The following SHROOM2 variants were observed in gnomAD, a reference collection of about 807,000 sequenced individuals.
SHROOM2 encodes the protein protein Shroom2.
A neutral mutation model predicts 75.9 loss-of-function variants in SHROOM2; 33 were observed. The observed-to-expected ratio is 0.43, with a 90% CI of 0.33 to 0.58. The LOEUF is 0.58. SHROOM2 is among the 20% of genes least tolerant of loss of function. The pLI, the probability that SHROOM2 is intolerant of heterozygous loss-of-function variation, is 0.04. For synonymous variants in SHROOM2, 655 were observed against 663.6 expected (o/e 0.99, Z 0.20); for missense variants, 1,434 against 1,461.2 (o/e 0.98, Z 0.30).
At chrX:9,790,420 A>G (rs2083641382) in intron 1 of SHROOM2, among the ~76,000 whole-genome samples, 1 of 111,907 alleles carries the variant, frequency 8.9e-6, no homozygotes, top group Non-Finnish European at 1.9e-5. Flanking sequence ...GAGGGACCTG[A>G]TGAATTCAGC....
chrX:9,845,297 A>T (rs1021556681), intron 1 of SHROOM2, among the ~76,000 whole-genome samples: 1 of 111,900 alleles, frequency 8.9e-6, no homozygotes, highest in African/African-American at 3.2e-5. Context: ...GCCCATGTTT[A>T]TGGGGCACTG....
At chrX:9,928,157 C>T (rs769153095) in intron 5 of SHROOM2, among the ~76,000 whole-genome samples, 5 of 112,058 alleles carry the variant, frequency 4.5e-5, no homozygotes, top group Non-Finnish European at 7.5e-5. Context: ...CCTTCAGTGG[C>T]GGCCAGCCCA....
intron 1 of SHROOM2, among the ~76,000 whole-genome samples, chrX:9,799,656 C>T (rs2083713689): frequency 9.1e-6 from 1 of 110,374 alleles, no homozygotes; most frequent in Non-Finnish European, 1.9e-5. Context: ...TTGCCATCTA[C>T]TAGAAGGTTG....
intron 1 of SHROOM2, among the ~76,000 whole-genome samples, chrX:9,787,992 C>CTTTTTTTTTTTTTTTTTTTTT (rs58004470): frequency 7.1e-5 from 6 of 84,219 alleles, no homozygotes; most frequent in African/African-American, 2.5e-4. Context: ...TTTCTTTCTT[C>CTTTTTTTTTTTTTTTTTTTTT]TTTTTTTTTT....
chrX:9,880,868 C>T (rs770465474), intron 2 of SHROOM2, among the ~76,000 whole-genome samples: 4 of 111,969 alleles, frequency 3.6e-5, no homozygotes, highest in Non-Finnish European at 7.5e-5. Context: ...CTGCAAGATG[C>T]GTTCCTACGT....
intron 5 of SHROOM2, among the ~76,000 whole-genome samples, chrX:9,931,069 A>G (rs761131888): frequency 5.4e-5 from 6 of 111,206 alleles, no homozygotes; most frequent in African/African-American, 2.0e-4. Flanking sequence ...TAACACTTCA[A>G]GCTAGGAGTT....
intron 5 of SHROOM2, among the ~76,000 whole-genome samples, chrX:9,919,598 G>A (rs2084524010): frequency 1.8e-5 from 2 of 109,787 alleles, no homozygotes; most frequent in Admixed American, 9.9e-5. Flanking sequence ...CCAAACTGCT[G>A]GGATTACAGG....
At chrX:9,819,270 G>T in intron 1 of SHROOM2, 1 of 690,953 alleles carries the variant, frequency 1.4e-6, no homozygotes, top group Non-Finnish European at 2.2e-6. Context: ...GGCCTCCTGA[G>T]ATCCATTCAC....
chrX:9,895,492 T>C lies in SHROOM2; in HGVS notation c.1584T>C (p.Asp528=), dbSNP rs2084322468. 8.3e-7 allele frequency: 1 copy of C among 1,206,896 alleles called. No individual in the cohort carries two copies. Among genetic ancestry groups the C allele is most frequent in the Non-Finnish European group, 1.1e-6 (1 of 893,617 alleles). Residue 528 remains aspartate, a synonymous_variant, in exon 4 of 10, where the codon GAT becomes GAC. Transcript: ENST00000380913. ...HHLPQPEGPP[D]ARETGRCYPL... ...TACCTCAGCCTGAGGGTCCTCCGGA[T>C]GCCCGCGAGACAGGACGGTGTTACC...
Position 9,898,416 on chromosome X carries a change from C to T in SHROOM2, c.2891+126C>T, listed in dbSNP as rs749457550. ...TGCCAAACCCAAAGCGGCTGAAATC[C>T]GGCGTGATTTCTAGCATCCCTGACG... is the stretch of plus-strand genomic sequence containing the variant. On this transcript the variant is annotated intron_variant, in intron 5 of 9. Coordinates refer to ENST00000380913, the MANE Select transcript of SHROOM2 (RefSeq NM_001649.4). 67 of 518,469 alleles carry T rather than the reference C, an allele frequency of 1.3e-4. No homozygotes were observed. The African/African-American group carries it at 1.3e-3, about 10-fold the overall frequency. 42.7% of individuals were successfully genotyped at this position (518,469 alleles called of 1,213,427 possible).
At chrX:9,792,124 T>C (rs781639401) in intron 1 of SHROOM2, among the ~76,000 whole-genome samples, 2 of 22,084 alleles carry the variant, frequency 9.1e-5, no homozygotes, top group Non-Finnish European at 2.2e-4. Flanking sequence ...TAGAATAGAA[T>C]AGAATAGAAT....
intron 2 of SHROOM2, among the ~76,000 whole-genome samples, chrX:9,885,762 C>T (rs1228123751): frequency 9.1e-6 from 1 of 110,232 alleles, no homozygotes; most frequent in African/African-American, 3.3e-5. Context: ...TGAGACCAGC[C>T]TGGGCAACAT....
chrX:9,873,734 C>G lies in SHROOM2; in HGVS notation c.248C>G (p.Ser83Ter). 8.3e-7 allele frequency: 1 copy of G among 1,211,490 alleles called. No homozygotes were observed. The highest frequency in any genetic ancestry group is 1.1e-6 in the Non-Finnish European group (1 of 895,316). Reference sequence around the variant, plus strand: ...GTCGGCATCAATGACATTGGTCTCTCAGGGTTTAGACAGGAAGCGATTTGC... The same window carrying G: ...GTCGGCATCAATGACATTGGTCTCTGAGGGTTTAGACAGGAAGCGATTTGC... ...EIVGINDIGL[S>*]GFRQEAICLV... Residue 83 changes from serine (S) to a stop codon, truncating the protein, a stop_gained, in exon 2 of 10, where the codon TCA becomes TGA. Transcript: ENST00000380913. LOFTEE classifies it high-confidence loss of function.
At chrX:9,856,477 T>C (rs987942613) in intron 1 of SHROOM2, among the ~76,000 whole-genome samples, 1 of 112,146 alleles carries the variant, frequency 8.9e-6, no homozygotes, top group Non-Finnish European at 1.9e-5. Flanking sequence ...GTGAACAAAG[T>C]TTTGCTGTTT....
Position 9,940,166 on chromosome X carries a change from A to G in SHROOM2, c.4311+800A>G, listed in dbSNP as rs769233021. ...GTCTTGGGGCTTTTACGGGCCCTCC[A>G]TCTGGCACACGGTACCATTCGCTTC... On this transcript the variant is annotated intron_variant, in intron 8 of 9. Transcript: ENST00000380913. 1.3e-4 allele frequency among the ~76,000 whole-genome samples: 15 copies of G among 111,773 alleles called. No individual in the cohort carries two copies. In the South Asian group the frequency reaches 4.1e-3, roughly 31 times the overall value.
In SHROOM2 at chrX:9,815,434, ATGTGTGTGTGTGTG is replaced by A. The variant is rs56223508; in HGVS notation, c.165+28758_165+28771del. ...AACTAATAGGATAGATATACATATT[ATGTGTGTGTGTGTG>A]TGTGTGTGTGTGTGTGTGTGTGTGT... On this transcript the variant is annotated intron_variant, in intron 1 of 9. Transcript: ENST00000380913. Among the ~76,000 whole-genome samples the A allele has an allele frequency of 4.4e-3, 388 of 88,678 alleles. 1 individual carries two copies. Among genetic ancestry groups the A allele is most frequent in the Non-Finnish European group, 5.1e-3 (231 of 45,623 alleles). The allele number at this position is 88,678 out of a possible 115,157, so 77.0% of individuals were successfully genotyped here.
At chrX:9,793,486 C>T (rs1017214976) in intron 1 of SHROOM2, among the ~76,000 whole-genome samples, 3 of 109,716 alleles carry the variant, frequency 2.7e-5, no homozygotes, top group Non-Finnish European at 3.8e-5. Flanking sequence ...GATGGGGTTT[C>T]GCCATGATGG....
chrX:9,838,965 T>C (rs2083964555), intron 1 of SHROOM2, among the ~76,000 whole-genome samples: 1 of 111,371 alleles, frequency 9.0e-6, no homozygotes, highest in Non-Finnish European at 1.9e-5. Flanking sequence ...AAAGGATCTT[T>C]TGGGGGTGAT....
chrX:9,928,545 G>A, intron 5 of SHROOM2, among the ~76,000 whole-genome samples: 1 of 111,869 alleles, frequency 8.9e-6, no homozygotes, highest in Non-Finnish European at 1.9e-5. Flanking sequence ...AGAGACACAT[G>A]TCTACACACA....
Sources: gnomAD v4.1 joint callset for allele counts (sites outside exome capture counted in the v4.1 genomes callset) on GRCh38, gnomAD v4.1.1 for gene constraint, MANE v1.5 for transcripts, NCBI Gene and HGNC (gene_info 2026-07-23, HGNC 2026-07-21) for gene names.